RAB9B: variants seen among roughly 807,000 people sequenced by gnomAD.
The protein encoded by RAB9B is ras-related protein Rab-9B.
A neutral mutation model predicts 8.9 loss-of-function variants in RAB9B; 1 was observed. The ratio of observed to expected loss-of-function variants is 0.11; its 90% confidence interval spans 0.04 to 0.53. The LOEUF is 0.53. RAB9B is among the 20% of genes least tolerant of loss of function. The probability of loss-of-function intolerance (pLI) is 0.93; values close to 1 mark genes in which losing one functional copy is unlikely to be tolerated. For missense variants in RAB9B, 82 were observed against 152.9 expected, an observed-to-expected ratio of 0.54 and a Z score of 2.45; for synonymous variants, 63 against 57.0, an observed-to-expected ratio of 1.10 and a Z score of -0.47.
intron 1 of RAB9B, among the ~76,000 whole-genome samples, chrX:103,827,708 C>T (rs2074688792): frequency 9.0e-6 from 1 of 111,339 alleles, no homozygotes; most frequent in South Asian, 3.8e-4. Flanking sequence ...ATTCTGTCAC[C>T]CAGGCTGGAG....
intron 1 of RAB9B, 29 bp from the exon 2 acceptor site, chrX:103,827,107 T>A (rs2074686119): frequency 9.2e-6 from 1 of 108,766 alleles, no homozygotes; most frequent in Non-Finnish European, 1.9e-5. Flanking sequence ...AACATTATTT[T>A]AAAAAAATCT....
chrX:103,803,256 A>T, the RAB9B span, among the ~76,000 whole-genome samples: 12 of 112,161 alleles, frequency 1.1e-4, no homozygotes, highest in African/African-American at 3.2e-4. Flanking sequence ...TTTATGTTTA[A>T]CTTTTTGAGG....
chrX:103,821,565 A>G (rs1031464246), downstream of RAB9B, among the ~76,000 whole-genome samples: 2 of 111,885 alleles, frequency 1.8e-5, no homozygotes, highest in African/African-American at 6.5e-5. Flanking sequence ...GTGCTAATGT[A>G]TCTTTAAAAT....
Position 103,823,336 on chromosome X carries a change from T to C in RAB9B, c.*1843A>G, listed in dbSNP as rs1011004754. 2 of 111,859 alleles carry C rather than the reference T, an allele frequency of 1.8e-5. No homozygotes were observed. Among genetic ancestry groups the C allele is most frequent in the Non-Finnish European group, 3.8e-5 (2 of 53,205 alleles). The allele number at this position is 111,859 out of a possible 1,213,427, so 9.2% of individuals were successfully genotyped here. On this transcript the variant is annotated 3_prime_UTR_variant, in exon 3 of 3. Transcript: ENST00000243298. ...CTTTGACTTCTGGCGTCAAAGTTAA[T>C]TGAACAATGGTGTCAGGATTATATC...
the RAB9B span, among the ~76,000 whole-genome samples, chrX:103,814,072 C>T: frequency 9.0e-6 from 1 of 111,339 alleles, no homozygotes; most frequent in Admixed American, 9.6e-5. Flanking sequence ...GAACTCAGCT[C>T]TGGACCAAGC....
At chrX:103,809,284 C>G in the RAB9B span, among the ~76,000 whole-genome samples, 1 of 112,133 alleles carries the variant, frequency 8.9e-6, no homozygotes, top group Non-Finnish European at 1.9e-5. Flanking sequence ...GCCTCCAGAA[C>G]TGTAAGAGAT....
At chrX:103,796,935 G>A in the RAB9B span, among the ~76,000 whole-genome samples, 24 of 106,428 alleles carry the variant, frequency 2.3e-4, 1 homozygote, top group Admixed American at 2.3e-3. Context: ...GCTGAGGTGG[G>A]AGTATAGCTG....
At chrX:103,789,759 C>T in the RAB9B span, among the ~76,000 whole-genome samples, 4 of 111,951 alleles carry the variant, frequency 3.6e-5, no homozygotes, top group African/African-American at 9.7e-5. Context: ...TGAAACATCA[C>T]GAAACATGAC....
the RAB9B span, chrX:103,789,000 C>CG: frequency 3.0e-6 from 1 of 334,186 alleles, no homozygotes; most frequent in Non-Finnish European, 5.3e-6. Context: ...AAAGTAAATC[C>CG]GGGGGAGACA....
the RAB9B span, among the ~76,000 whole-genome samples, chrX:103,807,861 C>A: frequency 1.8e-5 from 2 of 112,291 alleles, no homozygotes; most frequent in African/African-American, 6.5e-5. Context: ...CAGCTGTGGT[C>A]AAACCCAGAG....
chrX:103,815,609 A>G, the RAB9B span, among the ~76,000 whole-genome samples: 5 of 112,293 alleles, frequency 4.5e-5, no homozygotes, highest in East Asian at 8.4e-4. Context: ...AAAGCAATAC[A>G]GGGTATTCAA....
chrX:103,788,865 A>C, the RAB9B span: 1 of 289,232 alleles, frequency 3.5e-6, no homozygotes, highest in East Asian at 7.2e-5. Flanking sequence ...AGGCATTCAT[A>C]GGTTTTATGA....
chrX:103,816,721 A>G, the RAB9B span, among the ~76,000 whole-genome samples: 29 of 112,568 alleles, frequency 2.6e-4, no homozygotes, highest in East Asian at 7.8e-3. Context: ...TACAGAATTT[A>G]AACAAATTTA....
At chrX:103,820,110 T>C, downstream of RAB9B, among the ~76,000 whole-genome samples, 1 of 111,976 alleles carries the variant, frequency 8.9e-6, no homozygotes, top group East Asian at 2.8e-4. Context: ...CACCAGACCC[T>C]GAATGTGCGG....
chrX:103,821,553 G>A (rs1431576128), downstream of RAB9B, among the ~76,000 whole-genome samples: 41 of 111,642 alleles, frequency 3.7e-4, no homozygotes, highest in Admixed American at 3.9e-3. Context: ...TCAAGCCATT[G>A]GGTGCTAATG....
At chrX:103,801,017 T>C in the RAB9B span, among the ~76,000 whole-genome samples, 2 of 111,917 alleles carry the variant, frequency 1.8e-5, no homozygotes, top group Non-Finnish European at 3.8e-5. Flanking sequence ...AGTGATAGTT[T>C]TCAATTCTAA....
At chrX:103,785,548 A>G in the RAB9B span, 2 of 1,158,534 alleles carry the variant, frequency 1.7e-6, no homozygotes, top group Admixed American at 4.4e-5. Context: ...TACCTACTGG[A>G]TGTGCCTGAC....
Position 103,825,140 on chromosome X carries a change from T to G in RAB9B, c.*39A>C, listed in dbSNP as rs375103308. On this transcript the variant is annotated 3_prime_UTR_variant, in exon 3 of 3. Transcript: ENST00000243298. ...GCACAGTTATTCTTACACTACTGACTGATCAATTTGGGGCACATTTTTAAA... is the reference window on the plus strand; with the variant it reads ...GCACAGTTATTCTTACACTACTGACGGATCAATTTGGGGCACATTTTTAAA... 1.7e-6 allele frequency: 2 copies of G among 1,178,580 alleles called. No homozygotes were observed. The highest frequency in any genetic ancestry group is 2.3e-6 in the Non-Finnish European group (2 of 877,362).
the RAB9B span, among the ~76,000 whole-genome samples, chrX:103,802,347 C>T: frequency 9.1e-6 from 1 of 110,428 alleles, no homozygotes; most frequent in Non-Finnish European, 1.9e-5. Context: ...CTCAGAAATA[C>T]GATCAACTCA....
Sources: allele counts gnomAD v4.1 joint callset (sites outside exome capture counted in the v4.1 genomes callset), GRCh38; gene constraint gnomAD v4.1.1; transcripts MANE v1.5; gene names NCBI Gene and HGNC (gene_info 2026-07-23, HGNC 2026-07-21).